TUSC3: variants seen among roughly 807,000 people sequenced by gnomAD.
The protein encoded by TUSC3 is dolichyl-diphosphooligosaccharide--protein glycosyltransferase subunit TUSC3.
A neutral mutation model predicts 44.8 loss-of-function variants in TUSC3; 45 were observed. The observed-to-expected ratio is 1.00, with a 90% CI of 0.79 to 1.29. TUSC3 has a LOEUF of 1.29. Among genes scored for constraint, TUSC3 ranks in the 50% most tolerant of loss-of-function variants. The pLI is 0.00. For missense variants in TUSC3, 519 were observed against 437.9 expected, an observed-to-expected ratio of 1.19 and a Z score of -1.65; for synonymous variants, 212 against 152.9, an observed-to-expected ratio of 1.39 and a Z score of -2.85.
chr8:15,587,062 C>A (rs951564716), intron 1 of TUSC3, among the ~76,000 whole-genome samples: 1 of 152,094 alleles, frequency 6.6e-6, no homozygotes, highest in Non-Finnish European at 1.5e-5. Context: ...TTCGACATGC[C>A]TAACATTTTT....
intron 1 of TUSC3, among the ~76,000 whole-genome samples, chr8:15,575,089 AT>A (rs1212978502): frequency 6.6e-6 from 1 of 152,178 alleles, no homozygotes; most frequent in Non-Finnish European, 1.5e-5. Context: ...GGTTTAAAAA[AT>A]ATTATTAGAT....
At chr8:15,848,705 G>A in the TUSC3 span, among the ~76,000 whole-genome samples, 1 of 152,200 alleles carries the variant, frequency 6.6e-6, no homozygotes, top group Non-Finnish European at 1.5e-5. Context: ...TGCTGTTACA[G>A]CAACCCAACA....
chr8:15,620,118 G>C (rs1384120643), intron 1 of TUSC3, among the ~76,000 whole-genome samples: 2 of 152,182 alleles, frequency 1.3e-5, no homozygotes, highest in African/African-American at 2.4e-5. Flanking sequence ...TAACTTGGAA[G>C]TGTGTGTGCA....
chr8:15,539,399 C>G (rs374853846), upstream of TUSC3, among the ~76,000 whole-genome samples: 5 of 128,604 alleles, frequency 3.9e-5, no homozygotes, highest in African/African-American at 1.6e-4. Context: ...GTCTCCCAGG[C>G]TGGAGTGCAG....
chr8:15,772,663 CTA>C, the TUSC3 span, among the ~76,000 whole-genome samples: 1 of 152,172 alleles, frequency 6.6e-6, no homozygotes, highest in Non-Finnish European at 1.5e-5. Context: ...TCTGTGGCAA[CTA>C]TTAACCTTGA....
At chr8:15,756,619 A>T (rs1453194103) in intron 9 of TUSC3, among the ~76,000 whole-genome samples, 1 of 152,178 alleles carries the variant, frequency 6.6e-6, no homozygotes, top group Admixed American at 6.6e-5. Flanking sequence ...GTAGGTGCTC[A>T]TCATATACTT....
chr8:15,570,037 T>A (rs149713009), intron 1 of TUSC3, among the ~76,000 whole-genome samples: 5 of 152,218 alleles, frequency 3.3e-5, no homozygotes, highest in African/African-American at 1.2e-4. Flanking sequence ...CTATATATAT[T>A]GATGGAAAAT....
chr8:15,460,056 A>C (rs1800323386), intron 1 of TUSC3, among the ~76,000 whole-genome samples: 1 of 152,170 alleles, frequency 6.6e-6, no homozygotes, highest in South Asian at 2.1e-4. Flanking sequence ...GATACCCATT[A>C]GTGGGACTGC....
chr8:15,569,719 C>G (rs1345850554), intron 1 of TUSC3, among the ~76,000 whole-genome samples: 3 of 152,054 alleles, frequency 2.0e-5, no homozygotes. Context: ...AAAATGGATA[C>G]ATAGTGTTTG....
chr8:15,628,043 A>G (rs1805594583), intron 2 of TUSC3, among the ~76,000 whole-genome samples: 1 of 152,192 alleles, frequency 6.6e-6, no homozygotes, highest in Admixed American at 6.5e-5. Flanking sequence ...CTCAGACAAA[A>G]TACCTTAGTT....
chr8:15,806,191 T>C, the TUSC3 span: 3 of 489,738 alleles, frequency 6.1e-6, no homozygotes, highest in South Asian at 1.9e-5. Context: ...TCATCATTTT[T>C]ATAAAGATTC....
chr8:15,476,157 A>T (rs910923698), intron 1 of TUSC3, among the ~76,000 whole-genome samples: 2 of 152,190 alleles, frequency 1.3e-5, no homozygotes, highest in African/African-American at 4.8e-5. Flanking sequence ...AATAGGTTTT[A>T]TGCTGTTATG....
At chr8:15,818,638 T>A in the TUSC3 span, among the ~76,000 whole-genome samples, 1 of 152,204 alleles carries the variant, frequency 6.6e-6, no homozygotes, top group East Asian at 1.9e-4. Context: ...TTAAGCATAA[T>A]GGTATAAATG....
intron 1 of TUSC3, among the ~76,000 whole-genome samples, chr8:15,438,281 A>G (rs1295784748): frequency 3.3e-5 from 5 of 152,098 alleles, no homozygotes; most frequent in African/African-American, 1.2e-4. Flanking sequence ...TTTTTAGTAG[A>G]GACAGGGTTT....
chr8:15,618,004 AAG>A (rs1453357385), intron 1 of TUSC3, among the ~76,000 whole-genome samples: 1 of 152,196 alleles, frequency 6.6e-6, no homozygotes, highest in Non-Finnish European at 1.5e-5. Context: ...GTAACACAAT[AAG>A]AAGTATTTAT....
At chr8:15,824,919 A>G in the TUSC3 span, among the ~76,000 whole-genome samples, 83 of 152,310 alleles carry the variant, frequency 5.4e-4, 1 homozygote, top group African/African-American at 1.9e-3. Flanking sequence ...AAATTCAGTT[A>G]CAGTGCTTTC....
At chr8:15,426,230 TTTG>T (rs1460644486) in intron 1 of TUSC3, among the ~76,000 whole-genome samples, 1 of 152,190 alleles carries the variant, frequency 6.6e-6, no homozygotes, top group Non-Finnish European at 1.5e-5. Context: ...TTCGTTTGTT[TTTG>T]TTCTTGTTTC....
chr8:15,418,222 T>C (rs746465642), intron 1 of TUSC3, among the ~76,000 whole-genome samples: 1 of 152,196 alleles, frequency 6.6e-6, no homozygotes, highest in African/African-American at 2.4e-5. Flanking sequence ...GCTCCTATAG[T>C]AGCCTATTAG....
At chr8:15,747,202 T>C (rs529034063) in intron 8 of TUSC3, among the ~76,000 whole-genome samples, 1 of 152,214 alleles carries the variant, frequency 6.6e-6, no homozygotes, top group East Asian at 1.9e-4. Context: ...GTTTGGTTTA[T>C]ATATTGGAAA....
Sources: allele counts gnomAD v4.1 joint callset (sites outside exome capture counted in the v4.1 genomes callset), GRCh38; gene constraint gnomAD v4.1.1; transcripts MANE v1.5; gene names NCBI Gene and HGNC (gene_info 2026-07-23, HGNC 2026-07-21).